The following PPP1R1C variants were observed in gnomAD, a reference collection of about 807,000 sequenced individuals.
PPP1R1C encodes protein phosphatase 1 regulatory subunit 1C.
In PPP1R1C, 15 loss-of-function variants were observed where a neutral mutation model predicts 17.4. The observed-to-expected ratio is 0.86, with a 90% confidence interval of 0.58 to 1.33. PPP1R1C has a LOEUF of 1.33. Among genes scored for constraint, PPP1R1C ranks in the 40% most tolerant of loss-of-function variants. The probability of loss-of-function intolerance (pLI) is 0.00; values close to 1 mark genes in which losing one functional copy is unlikely to be tolerated. For missense variants in PPP1R1C, 143 were observed against 130.0 expected (o/e 1.10, Z -0.48); for synonymous variants, 35 against 43.1 (o/e 0.81, Z 0.73).
At chr2:182,046,718 A>G (rs531588819) in intron 2 of PPP1R1C, among the ~76,000 whole-genome samples, 1 of 151,816 alleles carries the variant, frequency 6.6e-6, no homozygotes, top group Admixed American at 6.6e-5. Context: ...CAGCCTGGCA[A>G]CAGAGCGAGT....
intron 1 of PPP1R1C, among the ~76,000 whole-genome samples, chr2:181,966,953 T>A (rs771592949): frequency 6.6e-6 from 1 of 152,180 alleles, no homozygotes; most frequent in Non-Finnish European, 1.5e-5. Context: ...TTTTCCTTAC[T>A]GGGAGACTTT....
intron 5 of PPP1R1C, among the ~76,000 whole-genome samples, chr2:182,124,002 C>A (rs1280707723): frequency 1.3e-5 from 2 of 152,172 alleles, no homozygotes; most frequent in Admixed American, 6.5e-5. Flanking sequence ...ACATTTAAAT[C>A]TTTAATCCAT....
intron 4 of PPP1R1C, among the ~76,000 whole-genome samples, chr2:182,071,142 C>G (rs1191809475): frequency 2.6e-5 from 4 of 152,148 alleles, no homozygotes; most frequent in South Asian, 2.1e-4. Context: ...CCCATATTTT[C>G]TTGGTATCTA....
chr2:182,055,725 G>A (rs999177364), intron 2 of PPP1R1C, among the ~76,000 whole-genome samples: 1 of 152,158 alleles, frequency 6.6e-6, no homozygotes, highest in Non-Finnish European at 1.5e-5. Context: ...GATTTCTCAT[G>A]AGAAATTATG....
chr2:182,010,943 G>A (rs1159391749), intron 2 of PPP1R1C, among the ~76,000 whole-genome samples: 3 of 151,994 alleles, frequency 2.0e-5, no homozygotes, highest in Non-Finnish European at 4.4e-5. Context: ...TGTGTATGTT[G>A]AACCATTCTT....
chr2:182,085,967 C>T (rs1043881073), intron 4 of PPP1R1C, among the ~76,000 whole-genome samples: 6 of 151,374 alleles, frequency 4.0e-5, no homozygotes, highest in African/African-American at 1.2e-4. Context: ...AATGATATCA[C>T]AAAATAACAC....
In PPP1R1C at chr2:181,962,536, A is replaced by G. The variant is rs1032608221; in HGVS notation, n.111+7902A>G. Reference sequence around the variant, plus strand: ...TCAGGCTTTGCCGACCCGTCATAGCAGTTTTCTAAGGAACCTGCAGAGAAA... The same window carrying G: ...TCAGGCTTTGCCGACCCGTCATAGCGGTTTTCTAAGGAACCTGCAGAGAAA... On this transcript the variant is annotated intron_variant and non_coding_transcript_variant, in intron 1 of 5. Coordinates refer to the PPP1R1C transcript ENST00000464264. The surrounding 1 kb of genome is among the most constrained non-coding windows in gnomAD (Gnocchi z 6.0). 6 of 595,460 alleles carry G rather than the reference A, an allele frequency of 1.0e-5. No homozygotes were observed. Among genetic ancestry groups the G allele is most frequent in the Middle Eastern group, 5.1e-4 (1 of 1,944 alleles). The allele number at this position is 595,460 out of a possible 1,614,324, so 36.9% of individuals were successfully genotyped here.
intron 4 of PPP1R1C, among the ~76,000 whole-genome samples, chr2:182,071,766 C>G (rs1331083647): frequency 1.3e-5 from 2 of 152,190 alleles, no homozygotes; most frequent in Non-Finnish European, 2.9e-5. Flanking sequence ...TGGATTATAA[C>G]TCAATACTAT....
chr2:182,054,958 G>A (rs985053773), intron 2 of PPP1R1C, among the ~76,000 whole-genome samples: 1 of 152,128 alleles, frequency 6.6e-6, no homozygotes, highest in Admixed American at 6.5e-5. Flanking sequence ...ACCACACCTG[G>A]CCCAGTGTGT....
At chr2:182,095,653 G>A (rs1471322726) in intron 4 of PPP1R1C, among the ~76,000 whole-genome samples, 4 of 152,236 alleles carry the variant, frequency 2.6e-5, no homozygotes, top group Admixed American at 1.3e-4. Context: ...TCTTCCAATG[G>A]GGCTGCAGAG....
At chr2:182,030,023 C>A (rs1686764869) in intron 2 of PPP1R1C, among the ~76,000 whole-genome samples, 2 of 109,860 alleles carry the variant, frequency 1.8e-5, no homozygotes, top group Admixed American at 2.0e-4. Context: ...GAGGCTTCTG[C>A]ATTCTTCACG....
intron 2 of PPP1R1C, among the ~76,000 whole-genome samples, chr2:182,061,239 A>G (rs547089010): frequency 6.6e-6 from 1 of 152,180 alleles, no homozygotes; most frequent in South Asian, 2.1e-4. Flanking sequence ...AGCTTTTTCT[A>G]TACCTTTTTT....
At chr2:182,085,951 A>C (rs994562291) in intron 4 of PPP1R1C, among the ~76,000 whole-genome samples, 12 of 152,322 alleles carry the variant, frequency 7.9e-5, no homozygotes, top group Admixed American at 7.8e-4. Flanking sequence ...AAAGTAAAAA[A>C]TTTTAAATGA....
chr2:182,038,787 G>A (rs774428884), intron 2 of PPP1R1C, among the ~76,000 whole-genome samples: 4 of 152,214 alleles, frequency 2.6e-5, no homozygotes, highest in Non-Finnish European at 5.9e-5. Context: ...ACCCTCATCA[G>A]GAATGTAGTG....
At chr2:182,117,149 C>T (rs923350793) in intron 4 of PPP1R1C, 58 bp from the exon 5 acceptor site, 35 of 1,157,036 alleles carry the variant, frequency 3.0e-5, no homozygotes, top group Middle Eastern at 1.9e-4. Flanking sequence ...TGCAGCAAAG[C>T]GGTTAATATT....
At chr2:181,984,034 C>T (rs894978312), upstream of PPP1R1C, among the ~76,000 whole-genome samples, 2 of 152,170 alleles carry the variant, frequency 1.3e-5, no homozygotes, top group Non-Finnish European at 2.9e-5. Context: ...TATGAAATTT[C>T]ACTTTATCAC....
At chr2:181,965,517 A>C (rs1194777423) in intron 1 of PPP1R1C, among the ~76,000 whole-genome samples, 1 of 152,172 alleles carries the variant, frequency 6.6e-6, no homozygotes, top group Admixed American at 6.5e-5. Flanking sequence ...TCTGCATATA[A>C]ATATTCAGTT....
chr2:181,973,277 T>G (rs1234005073), intron 1 of PPP1R1C, among the ~76,000 whole-genome samples: 1 of 151,840 alleles, frequency 6.6e-6, no homozygotes, highest in African/African-American at 2.4e-5. Context: ...AATCAGAAAA[T>G]TATTTTATTT....
chr2:182,066,915 T>G (rs1169877074), intron 4 of PPP1R1C, among the ~76,000 whole-genome samples: 1 of 151,896 alleles, frequency 6.6e-6, no homozygotes, highest in Non-Finnish European at 1.5e-5. Context: ...GGACAGGAAA[T>G]GGCTGACTCA....
Sources: allele counts gnomAD v4.1 joint callset (sites outside exome capture counted in the v4.1 genomes callset), GRCh38; gene constraint gnomAD v4.1.1; non-coding constraint Gnocchi (gnomAD v3.1); transcripts MANE v1.5; gene names NCBI Gene and HGNC (gene_info 2026-07-23, HGNC 2026-07-21).